The following NME9 variants were observed in gnomAD, a reference collection of about 807,000 sequenced individuals.
NME9 encodes the protein NME/NM23 family member 9.
In NME9, 48 loss-of-function variants were observed where a neutral mutation model predicts 44.4. The ratio of observed to expected loss-of-function variants is 1.08; its 90% CI spans 0.86 to 1.37. The LOEUF (loss-of-function observed/expected upper bound fraction) is 1.37, where lower values mean the gene tolerates loss of function less well. NME9 is among the 40% of genes most tolerant of loss of function. The pLI is 0.00. For missense variants in NME9, 325 were observed against 405.2 expected, an observed-to-expected ratio of 0.80 and a Z score of 1.70; for synonymous variants, 139 against 147.1, an observed-to-expected ratio of 0.94 and a Z score of 0.40.
chr3:138,294,276 TGCTAACCA>T (rs1277020354), intron 8 of NME9, among the ~76,000 whole-genome samples: 1 of 152,218 alleles, frequency 6.6e-6, no homozygotes, highest in African/African-American at 2.4e-5. Flanking sequence ...GAGAAGCTAT[TGCTAACCA>T]GCCCTCTCCA....
intron 6 of NME9, among the ~76,000 whole-genome samples, chr3:138,307,444 C>G (rs1263953964): frequency 6.6e-6 from 1 of 152,194 alleles, no homozygotes; most frequent in African/African-American, 2.4e-5. Context: ...TGTTTCTCAG[C>G]TTTTACATTG....
intron 4 of NME9, 100 bp downstream of exon 4, chr3:138,318,048 T>C (rs541057214): frequency 3.7e-6 from 3 of 802,464 alleles, no homozygotes; most frequent in East Asian, 4.9e-5. Context: ...GTGGTTCCCA[T>C]TAATTCTCCA....
chr3:138,271,398 T>C (rs2048772266), intron 8 of NME9, among the ~76,000 whole-genome samples: 1 of 152,218 alleles, frequency 6.6e-6, no homozygotes, highest in Admixed American at 6.5e-5. Context: ...CTTCCCCTAA[T>C]AGGTTACTTT....
In NME9 at chr3:138,323,324, G is replaced by A. The variant is rs2053582114; in HGVS notation, c.91+1549C>T. ...CCAGCTACTTGGGAGGCTGAGGCAG[G>A]AGAATCGCTTGAACCCCAGAGACAG... On this transcript the variant is annotated intron_variant, in intron 2 of 10. Transcript: ENST00000333911. 2.0e-5 allele frequency among the ~76,000 whole-genome samples: 3 copies of A among 152,340 alleles called. No homozygotes were observed. The South Asian group carries it at 6.2e-4, about 32-fold the overall frequency.
chr3:138,326,726 C>T (rs191857773), intron 1 of NME9, among the ~76,000 whole-genome samples: 138 of 152,074 alleles, frequency 9.1e-4, no homozygotes, highest in Middle Eastern at 6.8e-3. Flanking sequence ...TGAGCCAGCA[C>T]GCCTGGCCTA....
At chr3:138,289,292 A>C (rs1179913616) in intron 8 of NME9, among the ~76,000 whole-genome samples, 1 of 152,182 alleles carries the variant, frequency 6.6e-6, no homozygotes, top group Non-Finnish European at 1.5e-5. Context: ...AGCCCAAGTC[A>C]GCTGGTCAGT....
At position 138,301,065 on chromosome 3, in the gene NME9, T is replaced by C. The variant is rs575898523; in HGVS notation, c.*575A>G. ...TCATATAACCCAGTATCCTCTGAGA[T>C]GACACTTATATCTCACAACAGGATG... On this transcript the variant is annotated 3_prime_UTR_variant, in exon 11 of 11. Transcript: ENST00000333911. 5.1e-6 allele frequency: 5 copies of C among 972,726 alleles called. No individual in the cohort carries two copies. In the Admixed American group the frequency reaches 2.5e-4, roughly 48 times the overall value. 60.3% of individuals were successfully genotyped at this position (972,726 alleles called of 1,614,324 possible).
chr3:138,323,236 T>C (rs749027246), intron 2 of NME9, among the ~76,000 whole-genome samples: 2 of 152,154 alleles, frequency 1.3e-5, no homozygotes, highest in Non-Finnish European at 2.9e-5. Flanking sequence ...GCCAAGACAG[T>C]GAAACCCCAT....
intron 8 of NME9, among the ~76,000 whole-genome samples, chr3:138,269,571 G>A (rs138678767): frequency 1.8e-3 from 281 of 152,282 alleles, no homozygotes; most frequent in Non-Finnish European, 3.4e-3. Flanking sequence ...AGGATGATTT[G>A]GTTTTCTAAG....
chr3:138,275,478 G>A (rs2049194338), intron 8 of NME9, among the ~76,000 whole-genome samples: 1 of 152,122 alleles, frequency 6.6e-6, no homozygotes, highest in Admixed American at 6.5e-5. Flanking sequence ...AGAATGGCGT[G>A]AACCTGGGAG....
chr3:138,321,345 G>A (rs948971080), intron 2 of NME9, among the ~76,000 whole-genome samples: 1 of 152,214 alleles, frequency 6.6e-6, no homozygotes, highest in African/African-American at 2.4e-5. Context: ...TGCATCCTCT[G>A]GAGGAGAATT....
intron 1 of NME9, among the ~76,000 whole-genome samples, chr3:138,325,398 C>CTTTTTTTTTTTTTTTTTTTTTTTTTTT (rs58680542): frequency 7.1e-6 from 1 of 140,388 alleles, no homozygotes; most frequent in African/African-American, 2.6e-5. Flanking sequence ...GTAAAAATTT[C>CTTTTTTTTTTTTTTTTTTTTTTTTTTT]TTTTTTTTTT....
At chr3:138,300,403 C>G (rs1275392273), downstream of NME9, among the ~76,000 whole-genome samples, 1 of 152,184 alleles carries the variant, frequency 6.6e-6, no homozygotes, top group Non-Finnish European at 1.5e-5. Context: ...TAAAGAACCT[C>G]AAGTCATGGA....
Position 138,319,543 on chromosome 3 carries a change from G to A in NME9, c.130C>T (p.Pro44Ser), listed in dbSNP as rs1560125731. The stretch of plus-strand genomic sequence containing the variant: ...ATCTTCTGGAAGAGGCTCACCACAG[G>A]TTTGCAGGGGCCACACCAGCCTTGA... ...VYQGWCGPCKPVVSLFQKMRI... is the reference protein window; with the variant it reads ...VYQGWCGPCKSVVSLFQKMRI... The change falls in exon 3 of 11, where the codon CCT (proline) becomes TCT (serine). Residue 44 changes from proline (P) to serine (S), a missense_variant. Physicochemically the swap from Pro to Ser is moderately conservative, Grantham distance 74. Transcript: ENST00000333911. 2 of 1,613,604 alleles carry A rather than the reference G, an allele frequency of 1.2e-6. No homozygotes were observed. The highest frequency in any genetic ancestry group is 1.7e-5 in the Admixed American group (1 of 60,022).
chr3:138,310,559 T>C (rs1386909334), intron 6 of NME9, among the ~76,000 whole-genome samples: 1 of 152,086 alleles, frequency 6.6e-6, no homozygotes, highest in Non-Finnish European at 1.5e-5. Context: ...AGAAATCATA[T>C]ATATCTTTTC....
chr3:138,267,754 A>G (rs1039258323), intron 8 of NME9, among the ~76,000 whole-genome samples: 1 of 152,110 alleles, frequency 6.6e-6, no homozygotes, highest in Non-Finnish European at 1.5e-5. Context: ...TTTTAATAGG[A>G]AAAACTAAAA....
At chr3:138,307,004 C>T (rs1461076282) in intron 6 of NME9, among the ~76,000 whole-genome samples, 2 of 152,204 alleles carry the variant, frequency 1.3e-5, no homozygotes, top group East Asian at 3.8e-4. Context: ...GCCTCTGATA[C>T]TTTTTCCCTT....
At chr3:138,302,249 A>G (rs2051898032) in intron 10 of NME9, among the ~76,000 whole-genome samples, 1 of 152,282 alleles carries the variant, frequency 6.6e-6, no homozygotes, top group Admixed American at 6.5e-5. Flanking sequence ...CCAGTGTCCA[A>G]AGGAGGCTGT....
Position 138,314,390 on chromosome 3 carries a change from A to G in NME9, c.402T>C (p.Leu134=), listed in dbSNP as rs753250291. 6.2e-7 allele frequency: 1 copy of G among 1,607,698 alleles called. No individual in the cohort carries two copies. Among genetic ancestry groups the G allele is most frequent in the Non-Finnish European group, 8.5e-7 (1 of 1,174,848 alleles). ...GGGAAACACATTCATCTTCATCAGAAAGAGCCTCATCTTTAATCTAGTACA... is the reference window on the plus strand; with the variant it reads ...GGGAAACACATTCATCTTCATCAGAGAGAGCCTCATCTTTAATCTAGTACA... The part of the protein sequence containing the change: ...RERKVIKDEA[L]SDEDECVSHG... Residue 134 remains leucine, a synonymous_variant, in exon 6 of 11, where the codon CTT becomes CTC. Transcript: ENST00000333911.
Sources: allele counts gnomAD v4.1 joint callset (sites outside exome capture counted in the v4.1 genomes callset), GRCh38; gene constraint gnomAD v4.1.1; transcripts MANE v1.5; gene names NCBI Gene and HGNC (gene_info 2026-07-23, HGNC 2026-07-21).